The following YTHDC1 variants were observed in gnomAD, a reference collection of about 807,000 sequenced individuals.
The protein encoded by YTHDC1 is YTH N6-methyladenosine RNA binding protein C1, also known as YTH domain-containing protein 1.
Under a neutral mutation model 107.0 loss-of-function variants are expected in YTHDC1, and 12 were observed. The ratio of observed to expected loss-of-function variants is 0.11; its 90% CI spans 0.07 to 0.18. YTHDC1 has a LOEUF of 0.18. YTHDC1 is among the 10% of genes least tolerant of loss of function. YTHDC1 has a pLI of 1.00. For synonymous variants in YTHDC1, 280 were observed against 289.5 expected (o/e 0.97, Z 0.33); for missense variants, 635 against 898.8 (o/e 0.71, Z 3.75).
intron 2 of YTHDC1, 189 bp downstream of exon 2, chr4:68,338,093 TA>T: frequency 3.2e-6 from 3 of 936,838 alleles, no homozygotes; most frequent in Non-Finnish European, 3.8e-6. Flanking sequence ...TAAAACCATA[TA>T]TTTGAGAAGT....
At chr4:68,343,221 CAG>C (rs899028758) in intron 1 of YTHDC1, among the ~76,000 whole-genome samples, 29 of 151,814 alleles carry the variant, frequency 1.9e-4, no homozygotes, top group African/African-American at 7.0e-4. Flanking sequence ...TTTTTGGAGA[CAG>C]AGTCTCTCTC....
At position 68,314,039 on chromosome 4, in the gene YTHDC1, C is replaced by T; in HGVS notation, c.*60G>A. 6.4e-7 allele frequency: 1 copy of T among 1,553,500 alleles called. No individual in the cohort carries two copies. ...AATAAATTTACTACTTGTAAACACA[C>T]ACAAAAAAAAAATACAAGATTTTTT... On this transcript the variant is annotated 3_prime_UTR_variant, in exon 17 of 17. Coordinates refer to ENST00000344157, the MANE Select transcript of YTHDC1 (RefSeq NM_001031732.4).
rs757960143 is a variant in YTHDC1, at chr4:68,333,288, T to C, written c.973+20A>G. The C allele has an allele frequency of 4.4e-6, 7 of 1,584,952 alleles. No individual in the cohort carries two copies. The highest frequency in any genetic ancestry group is 6.0e-6 in the Non-Finnish European group (7 of 1,159,684). Reference sequence around the variant, plus strand: ...GATTACATTAGAATCAAGTCAGATATGATCACAAAATGAGAATACCTGCAT... The same window carrying C: ...GATTACATTAGAATCAAGTCAGATACGATCACAAAATGAGAATACCTGCAT... On this transcript the variant is annotated intron_variant, in intron 5 of 16. Coordinates refer to ENST00000344157, the MANE Select transcript of YTHDC1 (RefSeq NM_001031732.4).
intron 1 of YTHDC1, among the ~76,000 whole-genome samples, chr4:68,346,098 T>C (rs867099041): frequency 5.1e-4 from 72 of 141,534 alleles, no homozygotes; most frequent in African/African-American, 1.8e-3. Context: ...TATATATATA[T>C]ATACACACAC....
chr4:68,349,704 C>A (rs1009395606), intron 1 of YTHDC1, 22 bp downstream of exon 1: 1 of 1,609,806 alleles, frequency 6.2e-7, no homozygotes, highest in Non-Finnish European at 8.5e-7. Context: ...CGCCTCGGCC[C>A]GTCATCTTTC....
chr4:68,349,942 C>T lies in YTHDC1; in HGVS notation c.-189G>A. 3.9e-6 allele frequency: 3 copies of T among 777,444 alleles called. No homozygotes were observed. The allele number at this position is 777,444 out of a possible 1,614,324, so 48.2% of individuals were successfully genotyped here. ...GCTTTTTCCCTTTCTCCCTTCCTTT[C>T]ACTCCAGCATCCAGCGGCCTAGGCC... On this transcript the variant is annotated 5_prime_UTR_variant, in exon 1 of 17. An upstream open reading frame in the 5' UTR loses its in-frame stop. Coordinates refer to ENST00000344157, the MANE Select transcript of YTHDC1 (RefSeq NM_001031732.4).
Position 68,337,122 on chromosome 4 carries a change from T to C in YTHDC1, c.788A>G (p.Asp263Gly). 6.2e-7 allele frequency: 1 copy of C among 1,614,064 alleles called. No individual in the cohort carries two copies. ...DERDQKEEGN[D>G]YDTRSEASDS... is the part of the protein sequence containing the mutation. ...ACTGGCCTCACTTCGAGTGTCATAA[T>C]CATTTCCCTCCTCTTTCTGGTCTCT... Residue 263 changes from aspartate to glycine, a missense_variant, in exon 4 of 17, where the codon GAT (aspartate) becomes GGT (glycine). This residue lies in a region of YTHDC1 where 294 missense variants were observed against 312.3 expected (regional missense o/e 0.94). Transcript: ENST00000344157.
At position 68,313,048 on chromosome 4, in the gene YTHDC1, C is replaced by A. The variant is rs1721426040; in HGVS notation, c.*1051G>T. ...GAAGACTAAAACAACAAATAGAAAA[C>A]CTAAATAAACGATTCTGTGATCAGA... On this transcript the variant is annotated 3_prime_UTR_variant, in exon 17 of 17. Transcript: ENST00000344157. 6.6e-6 allele frequency: 1 copy of A among 152,082 alleles called. No individual in the cohort carries two copies. Among genetic ancestry groups the A allele is most frequent in the African/African-American group, 2.4e-5 (1 of 41,400 alleles). The allele number at this position is 152,082 out of a possible 1,614,324, so 9.4% of individuals were successfully genotyped here.
chr4:68,346,079 A>G (rs535845329), intron 1 of YTHDC1, among the ~76,000 whole-genome samples: 417 of 4,560 alleles, frequency 0.091, 4 homozygotes, highest in African/African-American at 0.13. Context: ...GTGTGTGTAC[A>G]TATATATATA....
intron 4 of YTHDC1, among the ~76,000 whole-genome samples, chr4:68,336,667 A>G (rs1724202711): frequency 6.6e-6 from 1 of 152,216 alleles, no homozygotes. Context: ...TGTAATACCC[A>G]GTGGACAGGT....
chr4:68,322,179 T>G lies in YTHDC1; in HGVS notation c.1601+570A>C, dbSNP rs1274720818. ...TTCACTGGGTACATGTTAGAGAATA[T>G]TTGGCAATAGGGTTAACACATCACG... On this transcript the variant is annotated intron_variant, in intron 11 of 16. Transcript: ENST00000344157. The surrounding 1 kb of genome is among the most constrained non-coding windows in gnomAD (Gnocchi z 4.8). 6.6e-6 allele frequency among the ~76,000 whole-genome samples: 1 copy of G among 152,140 alleles called. No homozygotes were observed. Among genetic ancestry groups the G allele is most frequent in the Non-Finnish European group, 1.5e-5 (1 of 68,024 alleles).
At chr4:68,314,968 C>T (rs1482684024) in intron 16 of YTHDC1, among the ~76,000 whole-genome samples, 2 of 152,130 alleles carry the variant, frequency 1.3e-5, no homozygotes, top group Non-Finnish European at 2.9e-5. Flanking sequence ...CACAGTCCCA[C>T]ATTACCTTTT....
chr4:68,342,524 T>C (rs369876823), intron 1 of YTHDC1, among the ~76,000 whole-genome samples: 3 of 152,208 alleles, frequency 2.0e-5, no homozygotes, highest in South Asian at 4.1e-4. Context: ...GTGTCATACA[T>C]AATACATGAC....
In YTHDC1 at chr4:68,313,588, T is replaced by C. The variant is rs980439801; in HGVS notation, c.*511A>G. ...ATAAAAAGTGACTTTATAAGTTTTT[T>C]AAAAAAAGAGGCAATGGGGAAAAAA... On this transcript the variant is annotated 3_prime_UTR_variant, in exon 17 of 17. Coordinates refer to ENST00000344157, the MANE Select transcript of YTHDC1 (RefSeq NM_001031732.4). 1.3e-5 allele frequency: 2 copies of C among 153,276 alleles called. No individual in the cohort carries two copies. Among genetic ancestry groups the C allele is most frequent in the Admixed American group, 1.3e-4 (2 of 15,402 alleles). 9.5% of individuals were successfully genotyped at this position (153,276 alleles called of 1,614,324 possible).
intron 11 of YTHDC1, among the ~76,000 whole-genome samples, chr4:68,320,810 A>G (rs1722371158): frequency 6.6e-6 from 1 of 152,098 alleles, no homozygotes; most frequent in Non-Finnish European, 1.5e-5. Flanking sequence ...TTAAAAAACT[A>G]TTTCTTAATA....
At position 68,316,337 on chromosome 4, in the gene YTHDC1, C is replaced by T; in HGVS notation, c.1936G>A (p.Ala646Thr). ...ACTACTCGTTTATCTCTGTATCTTG[C>T]TTCATGTGGTACTGGATGATGTCCT... Reference protein sequence around the residue: ...YSGHHPVPHEARYRDKRVHDY... With the variant: ...YSGHHPVPHETRYRDKRVHDY... The change falls in exon 16 of 17, where the codon GCA (alanine) becomes ACA (threonine). Residue 646 changes from alanine (A) to threonine (T), a missense_variant. Transcript: ENST00000344157. The T allele has an allele frequency of 6.2e-7, 1 of 1,613,268 alleles. No homozygotes were observed. Among genetic ancestry groups the T allele is most frequent in the Non-Finnish European group, 8.5e-7 (1 of 1,179,552 alleles).
At chr4:68,349,643 C>A (rs1278671228) in intron 1 of YTHDC1, 83 bp downstream of exon 1, 10 of 399,222 alleles carry the variant, frequency 2.5e-5, no homozygotes, top group East Asian at 7.9e-5. Context: ...CCCCACCCCC[C>A]ACCCCCAACG....
rs1724374733 is a variant in YTHDC1 at position 68,337,809 on chromosome 4, C to T, written c.222G>A (p.Leu74=). ...TTTTGTTATTGCTAACAGATGAGCT[C>T]AGTGGCTTAGAAACCAGTTGTCTAG... ...VHSRQLVSKP[L]SSSVSNNKRI... is the part of the protein sequence containing the mutation. The change falls in exon 3 of 17, where the codon CTG becomes CTA. Residue 74 remains leucine (L), a synonymous_variant. Coordinates refer to ENST00000344157, the MANE Select transcript of YTHDC1 (RefSeq NM_001031732.4). 1 of 1,613,934 alleles carries T rather than the reference C, an allele frequency of 6.2e-7. No individual in the cohort carries two copies. Among genetic ancestry groups the T allele is most frequent in the Non-Finnish European group, 8.5e-7 (1 of 1,180,020 alleles).
intron 7 of YTHDC1, among the ~76,000 whole-genome samples, chr4:68,331,046 G>C (rs1723523059): frequency 6.6e-6 from 1 of 152,082 alleles, no homozygotes; most frequent in South Asian, 2.1e-4. Context: ...ACCAAAATCT[G>C]AGGATGCTCA....
Sources: gnomAD v4.1 joint callset for allele counts (sites outside exome capture counted in the v4.1 genomes callset) on GRCh38, gnomAD v4.1.1 for gene constraint, gnomAD v4.1.1 regional missense constraint, Gnocchi (gnomAD v3.1) non-coding constraint, MANE v1.5 for transcripts, NCBI Gene and HGNC (gene_info 2026-07-23, HGNC 2026-07-21) for gene names.